Variants in HCN1 observed in about 807,000 individuals in gnomAD.
HCN1 encodes the protein potassium/sodium hyperpolarization-activated cyclic nucleotide-gated channel 1.
In HCN1, 13 loss-of-function variants were observed where a neutral mutation model predicts 78.9. The observed-to-expected ratio is 0.16, with a 90% CI of 0.11 to 0.26. The LOEUF (loss-of-function observed/expected upper bound fraction) is 0.26, where lower values mean the gene tolerates loss of function less well. HCN1 is among the 10% of genes least tolerant of loss of function. The probability of loss-of-function intolerance (pLI) is 1.00; values close to 1 mark genes in which losing one functional copy is unlikely to be tolerated. For missense variants in HCN1, 810 were observed against 1,154.3 expected, an observed-to-expected ratio of 0.70 and a Z score of 4.32; for synonymous variants, 552 against 455.5, an observed-to-expected ratio of 1.21 and a Z score of -2.70.
intron 4 of HCN1, among the ~76,000 whole-genome samples, chr5:45,374,031 T>G (rs561120360): frequency 1.3e-5 from 1 of 77,086 alleles, no homozygotes; most frequent in African/African-American, 5.5e-5. Flanking sequence ...ATATATATTA[T>G]ATACATAATA....
intron 3 of HCN1, among the ~76,000 whole-genome samples, chr5:45,400,746 T>C (rs1475499343): frequency 2.0e-5 from 3 of 152,138 alleles, no homozygotes; most frequent in Non-Finnish European, 2.9e-5. Flanking sequence ...TAGCAACTTT[T>C]CTATTTTCCA....
At chr5:45,352,693 T>C (rs546361797) in intron 5 of HCN1, among the ~76,000 whole-genome samples, 89 of 151,926 alleles carry the variant, frequency 5.9e-4, no homozygotes, top group South Asian at 4.2e-4. Context: ...AATGAGATAA[T>C]AGGAAATGAA....
chr5:45,677,694 C>G (rs1739604692), intron 1 of HCN1, among the ~76,000 whole-genome samples: 1 of 151,640 alleles, frequency 6.6e-6, no homozygotes, highest in Non-Finnish European at 1.5e-5. Context: ...TAATGACAAG[C>G]AAGAGAGAGA....
chr5:45,466,667 A>T (rs2111639103), intron 2 of HCN1, among the ~76,000 whole-genome samples: 1 of 152,306 alleles, frequency 6.6e-6, no homozygotes, highest in South Asian at 2.1e-4. Flanking sequence ...TGTACTGTTA[A>T]CATATATTCA....
intron 3 of HCN1, among the ~76,000 whole-genome samples, chr5:45,445,605 G>T (rs1037996388): frequency 6.6e-6 from 1 of 152,196 alleles, no homozygotes; most frequent in African/African-American, 2.4e-5. Flanking sequence ...CCTGACCCCT[G>T]ACACCCGAGC....
chr5:45,323,575 A>G (rs1235626262), intron 5 of HCN1, among the ~76,000 whole-genome samples: 1 of 151,832 alleles, frequency 6.6e-6, no homozygotes, highest in African/African-American at 2.4e-5. Flanking sequence ...ATTTTTTATC[A>G]TTATTATACT....
rs1203936613 is a variant in HCN1 at position 45,629,034 on chromosome 5, C to T, written c.849+16151G>A. Reference sequence around the variant, plus strand: ...AAATTATTAAAAAACATATATTATACAATTATTAAAGTACAGTGGCAATAT... The same window carrying T: ...AAATTATTAAAAAACATATATTATATAATTATTAAAGTACAGTGGCAATAT... On this transcript the variant is annotated intron_variant, in intron 2 of 7. Transcript: ENST00000303230. 4.1e-5 allele frequency among the ~76,000 whole-genome samples: 6 copies of T among 144,926 alleles called. No homozygotes were observed. In the East Asian group the frequency reaches 1.2e-3, roughly 29 times the overall value.
Position 45,261,681 on chromosome 5 carries a change from A to T in HCN1, c.*240T>A. 2.9e-6 allele frequency: 1 copy of T among 339,490 alleles called. No homozygotes were observed. Among genetic ancestry groups the T allele is most frequent in the African/African-American group, 2.1e-5 (1 of 48,148 alleles). The allele number at this position is 339,490 out of a possible 1,614,324, so 21.0% of individuals were successfully genotyped here. A position where few individuals can be genotyped will look rare whatever the true frequency, so the allele number is the denominator to read the frequency against. On this transcript the variant is annotated 3_prime_UTR_variant, in exon 8 of 8. Transcript: ENST00000303230. ...CATTTTAAATCCTTTAATGATTTAAAGAAAGGAAGACATATAACACTGAAT... is the reference window on the plus strand; with the variant it reads ...CATTTTAAATCCTTTAATGATTTAATGAAAGGAAGACATATAACACTGAAT...
At chr5:45,343,600 G>A (rs1004506089) in intron 5 of HCN1, among the ~76,000 whole-genome samples, 5 of 152,128 alleles carry the variant, frequency 3.3e-5, no homozygotes, top group African/African-American at 1.2e-4. Flanking sequence ...ACTAAAGAAT[G>A]TACAGAGAGA....
At chr5:45,397,026 G>A (rs1212492134) in intron 3 of HCN1, among the ~76,000 whole-genome samples, 2 of 152,066 alleles carry the variant, frequency 1.3e-5, no homozygotes, top group Non-Finnish European at 2.9e-5. Context: ...ATGCTTTAAG[G>A]TTTCAAGGAA....
intron 2 of HCN1, among the ~76,000 whole-genome samples, chr5:45,495,589 T>C (rs1561176280): frequency 6.6e-6 from 1 of 152,206 alleles, no homozygotes; most frequent in African/African-American, 2.4e-5. Flanking sequence ...GAATACACTT[T>C]ATTTCCTTCT....
intron 1 of HCN1, among the ~76,000 whole-genome samples, chr5:45,666,450 C>T (rs928280665): frequency 6.6e-6 from 1 of 151,980 alleles, no homozygotes; most frequent in African/African-American, 2.4e-5. Context: ...TGTTCTGTTA[C>T]ATATAAAGAA....
chr5:45,491,405 A>G (rs1050995241), intron 2 of HCN1, among the ~76,000 whole-genome samples: 1 of 152,158 alleles, frequency 6.6e-6, no homozygotes, highest in Admixed American at 6.6e-5. Flanking sequence ...TTATGATATC[A>G]GTTGAAACAT....
At chr5:45,665,025 A>C (rs1335101829) in intron 1 of HCN1, among the ~76,000 whole-genome samples, 1 of 151,528 alleles carries the variant, frequency 6.6e-6, no homozygotes, top group Non-Finnish European at 1.5e-5. Context: ...ACTATTCACA[A>C]TAGCAAAGAC....
intron 3 of HCN1, among the ~76,000 whole-genome samples, chr5:45,457,209 A>G (rs1741046303): frequency 1.3e-5 from 2 of 152,168 alleles, no homozygotes; most frequent in East Asian, 1.9e-4. Flanking sequence ...GTTACATCCG[A>G]TATTTGAGAT....
chr5:45,594,992 C>T (rs1314392005), intron 2 of HCN1, among the ~76,000 whole-genome samples: 1 of 152,086 alleles, frequency 6.6e-6, no homozygotes, highest in African/African-American at 2.4e-5. Context: ...TGGTGAAATA[C>T]TTGTGGGAAC....
intron 3 of HCN1, among the ~76,000 whole-genome samples, chr5:45,413,602 C>G (rs1740065315): frequency 6.6e-6 from 1 of 151,568 alleles, no homozygotes; most frequent in African/African-American, 2.4e-5. Flanking sequence ...GGTGGGCTGT[C>G]AACAAAATTT....
chr5:45,303,507 C>CA (rs1745669584), intron 6 of HCN1, 92 bp downstream of exon 6: 2 of 1,386,954 alleles, frequency 1.4e-6, no homozygotes, highest in African/African-American at 1.4e-5. Context: ...CATTCAAAAC[C>CA]AAAAAACTGA....
intron 3 of HCN1, among the ~76,000 whole-genome samples, chr5:45,426,029 T>C (rs942905562): frequency 1.3e-5 from 2 of 152,198 alleles, no homozygotes; most frequent in African/African-American, 2.4e-5. Context: ...TAGGTATATA[T>C]GTTCCTGAGC....
Sources: allele counts gnomAD v4.1 joint callset (sites outside exome capture counted in the v4.1 genomes callset), GRCh38; gene constraint gnomAD v4.1.1; transcripts MANE v1.5; gene names NCBI Gene and HGNC (gene_info 2026-07-23, HGNC 2026-07-21).